MIGA1: variants seen among roughly 807,000 people sequenced by gnomAD.
MIGA1 encodes family with sequence similarity 73, member A.
MIGA1 carries 58 observed loss-of-function variants against 82.0 expected under a neutral mutation model. The observed-to-expected ratio is 0.71, with a 90% CI of 0.57 to 0.88. The LOEUF is 0.88. MIGA1 is among the 40% of genes least tolerant of loss of function. The pLI is 0.00. For synonymous variants in MIGA1, 249 were observed against 253.6 expected (o/e 0.98, Z 0.17); for missense variants, 751 against 749.1 (o/e 1.00, Z -0.03).
chr1:77,854,810 T>C (rs895010570), intron 8 of MIGA1, among the ~76,000 whole-genome samples: 5 of 152,190 alleles, frequency 3.3e-5, no homozygotes, highest in African/African-American at 1.2e-4. Context: ...TTATCAGATG[T>C]AGAGATTGTG....
rs1249861308 is a variant in MIGA1, at chr1:77,848,169, C to T, written c.996+4762C>T. ...CCAGAAAGAAAGGGATTCTCATAGG[C>T]ACAGGAGACCAGTCATAGAGATTCC... is the stretch of plus-strand genomic sequence containing the variant. On this transcript the variant is annotated intron_variant, in intron 8 of 15. Coordinates refer to ENST00000370791, the MANE Select transcript of MIGA1 (RefSeq NM_198549.4). The T allele has an allele frequency of 1.3e-5, 18 of 1,420,486 alleles. No homozygotes were observed. In the South Asian group the frequency reaches 2.0e-4, roughly 16 times the overall value. 88.0% of individuals were successfully genotyped at this position (1,420,486 alleles called of 1,614,324 possible).
chr1:77,866,522 A>G (rs1227770520), intron 14 of MIGA1, 131 bp downstream of exon 14: 2 of 787,938 alleles, frequency 2.5e-6, no homozygotes, highest in East Asian at 2.5e-5. Context: ...CTCAGGCTAG[A>G]TGAGTGACTT....
intron 7 of MIGA1, among the ~76,000 whole-genome samples, chr1:77,834,367 G>T (rs972490562): frequency 2.0e-5 from 3 of 152,066 alleles, no homozygotes; most frequent in Admixed American, 2.0e-4. Flanking sequence ...ATAGAGATGG[G>T]ATTTCGGTAT....
chr1:77,784,049 A>G (rs1318103959), intron 2 of MIGA1, among the ~76,000 whole-genome samples: 3 of 152,080 alleles, frequency 2.0e-5, no homozygotes, highest in Non-Finnish European at 4.4e-5. Flanking sequence ...CATTTTGCTT[A>G]TGTGTGTGTT....
chr1:77,870,930 A>C (rs965630057), intron 14 of MIGA1, among the ~76,000 whole-genome samples: 12 of 139,640 alleles, frequency 8.6e-5, no homozygotes, highest in African/African-American at 1.6e-4. Flanking sequence ...AAAAAAAAAA[A>C]CGAAAACCAG....
chr1:77,869,700 G>A (rs868374836), intron 14 of MIGA1, among the ~76,000 whole-genome samples: 220 of 97,948 alleles, frequency 2.2e-3, no homozygotes, highest in Middle Eastern at 8.2e-3. Flanking sequence ...GCGGGGGGCT[G>A]ACCCCCCCAC....
intron 7 of MIGA1, among the ~76,000 whole-genome samples, chr1:77,835,123 C>G (rs1257616560): frequency 6.6e-6 from 1 of 152,136 alleles, no homozygotes; most frequent in Non-Finnish European, 1.5e-5. Context: ...TTGGATTGGT[C>G]TAAGGAAGTA....
intron 7 of MIGA1, among the ~76,000 whole-genome samples, chr1:77,820,092 G>A (rs1379388282): frequency 6.7e-6 from 1 of 149,768 alleles, no homozygotes; most frequent in Non-Finnish European, 1.5e-5. Flanking sequence ...GTGGTGGTAT[G>A]CTTTTGTGTA....
intron 2 of MIGA1, among the ~76,000 whole-genome samples, chr1:77,793,939 A>G (rs1682546672): frequency 6.6e-6 from 1 of 151,062 alleles, no homozygotes; most frequent in Non-Finnish European, 1.5e-5. Context: ...GGTGAGCACC[A>G]CCGCACCTGG....
Position 77,863,972 on chromosome 1 carries a change from A to G in MIGA1, c.1453A>G (p.Thr485Ala). ...CTTTGAAGATTTGGAAAACCCACCC[A>G]CATCCATACAGAATGTAGTAAATAA... Residue 485 changes from threonine (T) to alanine (A), a missense_variant, in exon 13 of 16, where the codon ACA becomes GCA. Physicochemically the swap from Thr to Ala is moderately conservative, Grantham distance 58. Transcript: ENST00000370791. 1 of 1,608,044 alleles carries G rather than the reference A, an allele frequency of 6.2e-7. No homozygotes were observed. The highest frequency in any genetic ancestry group is 8.5e-7 in the Non-Finnish European group (1 of 1,178,654).
intron 2 of MIGA1, among the ~76,000 whole-genome samples, chr1:77,790,566 C>T (rs1299732977): frequency 6.6e-6 from 1 of 151,778 alleles, no homozygotes; most frequent in Non-Finnish European, 1.5e-5. Context: ...GCGCCCGGCC[C>T]CCACCTTTCT....
chr1:77,825,507 G>A (rs1387535308), intron 7 of MIGA1, among the ~76,000 whole-genome samples: 1 of 152,168 alleles, frequency 6.6e-6, no homozygotes, highest in Non-Finnish European at 1.5e-5. Context: ...GTGCCATTCT[G>A]TGTTGCTACT....
chr1:77,801,742 T>C (rs1682893727), intron 3 of MIGA1, among the ~76,000 whole-genome samples: 1 of 152,174 alleles, frequency 6.6e-6, no homozygotes, highest in South Asian at 2.1e-4. Flanking sequence ...TGTATATCAG[T>C]CCACTTATAT....
At chr1:77,813,669 G>A (rs533802450) in intron 5 of MIGA1, 65 bp from the exon 6 acceptor site, 7 of 1,552,510 alleles carry the variant, frequency 4.5e-6, no homozygotes, top group South Asian at 1.1e-5. Flanking sequence ...AACATTTCAG[G>A]CCCCAATAAT....
At chr1:77,817,522 C>T (rs1557909491) in intron 7 of MIGA1, among the ~76,000 whole-genome samples, 1 of 152,208 alleles carries the variant, frequency 6.6e-6, no homozygotes, top group African/African-American at 2.4e-5. Flanking sequence ...GTTCGTTGGC[C>T]TCCTGTTGCC....
At chr1:77,795,835 T>C (rs764710117) in intron 2 of MIGA1, among the ~76,000 whole-genome samples, 3 of 151,680 alleles carry the variant, frequency 2.0e-5, no homozygotes, top group African/African-American at 7.3e-5. Context: ...GGTTTCACCA[T>C]GTTGGCCAGG....
At chr1:77,860,013 T>C (rs1409593119) in intron 10 of MIGA1, 27 bp from the exon 11 acceptor site, 1 of 1,507,308 alleles carries the variant, frequency 6.6e-7, no homozygotes, top group African/African-American at 1.4e-5. Context: ...AGGTCTCTTT[T>C]TTCTTTGGGG....
At chr1:77,848,222 A>G in intron 8 of MIGA1, 1 of 1,433,106 alleles carries the variant, frequency 7.0e-7, no homozygotes, top group South Asian at 1.2e-5. Flanking sequence ...ACAGGAAGAT[A>G]AACTAAGGGC....
At chr1:77,781,724 A>C (rs937330652) in intron 1 of MIGA1, among the ~76,000 whole-genome samples, 2 of 152,182 alleles carry the variant, frequency 1.3e-5, no homozygotes, top group Non-Finnish European at 1.5e-5. Context: ...TGAATCTAAA[A>C]GTTGTACTTA....
Sources: allele counts gnomAD v4.1 joint callset (sites outside exome capture counted in the v4.1 genomes callset), GRCh38; gene constraint gnomAD v4.1.1; transcripts MANE v1.5; gene names NCBI Gene and HGNC (gene_info 2026-07-23, HGNC 2026-07-21).